Variants in ASIC2 observed in about 807,000 individuals in gnomAD.
ASIC2 encodes acid sensing ion channel subunit 2.
Under a neutral mutation model 57.3 loss-of-function variants are expected in ASIC2, and 25 were observed. That is an observed-to-expected ratio of 0.44 (90% CI 0.32 to 0.61). The LOEUF (loss-of-function observed/expected upper bound fraction) is 0.61. ASIC2 is among the 20% of genes least tolerant of loss of function. The pLI is 0.06. For synonymous variants in ASIC2, 319 were observed against 307.5 expected (o/e 1.04, Z -0.39); for missense variants, 641 against 738.1 (o/e 0.87, Z 1.52).
At chr17:33,029,806 C>A (rs1390504317) in intron 3 of ASIC2, among the ~76,000 whole-genome samples, 2 of 152,204 alleles carry the variant, frequency 1.3e-5, no homozygotes, top group Admixed American at 6.5e-5. Flanking sequence ...ACTTCGTCCA[C>A]CTTTTTGATT....
At chr17:33,281,189 A>G (rs114937802) in intron 1 of ASIC2, among the ~76,000 whole-genome samples, 3,003 of 152,300 alleles carry the variant, frequency 0.02, 77 homozygotes, top group African/African-American at 0.063. Flanking sequence ...TGATCAGAGT[A>G]CTGAATGGGG....
chr17:33,753,221 T>C (rs942150944), intron 1 of ASIC2, among the ~76,000 whole-genome samples: 4 of 152,110 alleles, frequency 2.6e-5, no homozygotes, highest in African/African-American at 9.7e-5. Flanking sequence ...CTACATACCG[T>C]ATGATTCCAG....
chr17:33,124,910 T>C (rs920592343), intron 1 of ASIC2, among the ~76,000 whole-genome samples: 2 of 152,186 alleles, frequency 1.3e-5, no homozygotes, highest in Non-Finnish European at 2.9e-5. Flanking sequence ...AGGTATTAGA[T>C]TCTCTTAAGG....
At chr17:34,053,654 T>C (rs955193149) in intron 1 of ASIC2, among the ~76,000 whole-genome samples, 1 of 152,276 alleles carries the variant, frequency 6.6e-6, no homozygotes, top group African/African-American at 2.4e-5. Flanking sequence ...AAACATTTGG[T>C]AATAAAAGGA....
rs781384406 is a variant in ASIC2, at chr17:33,015,923, T to C, written c.1590+48A>G. On this transcript the variant is annotated intron_variant, in intron 9 of 9. Coordinates refer to ENST00000225823, the MANE Select transcript of ASIC2 (RefSeq NM_183377.2). ...CCAGCATCTGGTTTTGTACTGCCGG[T>C]ACAAGCCAGAGCAGCAGAACAACTT... The C allele has an allele frequency of 2.5e-5, 40 of 1,603,394 alleles. No individual in the cohort carries two copies. In the Admixed American group the frequency reaches 6.7e-4, roughly 27 times the overall value.
intron 1 of ASIC2, among the ~76,000 whole-genome samples, chr17:34,035,169 T>C (rs1461233924): frequency 6.8e-6 from 1 of 148,020 alleles, no homozygotes; most frequent in Non-Finnish European, 1.5e-5. Context: ...GAGATATAGA[T>C]CAATGGAACA....
chr17:33,585,151 T>A (rs1319801694), intron 1 of ASIC2, among the ~76,000 whole-genome samples: 2 of 152,122 alleles, frequency 1.3e-5, no homozygotes, highest in Non-Finnish European at 2.9e-5. Context: ...AAATGATTTG[T>A]TCAAAGTGGC....
At position 34,156,212 on chromosome 17, in the gene ASIC2, CAGGTCATTGGTGGTGAGCCTGG is replaced by C; in HGVS notation, c.299_320del (p.Ser100CysfsTer58). The C allele has an allele frequency of 6.2e-7, 1 of 1,614,094 alleles. No homozygotes were observed. ...GGGCCAGCAGCTCCCCAGCATGGTA[CAGGTCATTGGTGGTGAGCCTGG>C]AGAACCGGAAGCCATTCAGGTTACA... On this transcript the variant is annotated frameshift_variant, in exon 1 of 10. Transcript: ENST00000359872. LOFTEE classifies it high-confidence loss of function. This position sits in a 1 kb window ranked among gnomAD's most constrained non-coding sequence, Gnocchi z 4.4.
intron 1 of ASIC2, among the ~76,000 whole-genome samples, chr17:33,885,483 CA>C (rs1233036966): frequency 6.6e-6 from 1 of 152,134 alleles, no homozygotes; most frequent in East Asian, 1.9e-4. Context: ...TTGTTTTTAG[CA>C]GTACTTATAC....
chr17:33,288,582 G>A (rs1435740242), intron 1 of ASIC2, among the ~76,000 whole-genome samples: 1 of 152,144 alleles, frequency 6.6e-6, no homozygotes, highest in Non-Finnish European at 1.5e-5. Flanking sequence ...GACTACTCTG[G>A]CTGTAAAGCA....
chr17:33,028,240 AC>A lies in ASIC2; in HGVS notation c.1138+1del. Reference sequence around the variant, plus strand: ...CTGTGGCCACCCTGCCCTGGCACTGACCTGGCATGTGAACCATGCGGCAGTT... The same window carrying A: ...CTGTGGCCACCCTGCCCTGGCACTGACTGGCATGTGAACCATGCGGCAGTT... On this transcript the variant is annotated splice_donor_variant, in intron 4 of 9. Coordinates refer to ENST00000225823, the MANE Select transcript of ASIC2 (RefSeq NM_183377.2). LOFTEE classifies it high-confidence loss of function. 6.2e-7 allele frequency: 1 copy of A among 1,613,812 alleles called. No homozygotes were observed. Among genetic ancestry groups the A allele is most frequent in the Non-Finnish European group, 8.5e-7 (1 of 1,179,968 alleles).
intron 1 of ASIC2, among the ~76,000 whole-genome samples, chr17:33,700,812 G>T (rs940199921): frequency 7.2e-5 from 11 of 152,090 alleles, no homozygotes; most frequent in Admixed American, 3.9e-4. Context: ...CCGGAGAGAT[G>T]GGAGGGTCCA....
chr17:33,935,752 C>T (rs1916044043), intron 1 of ASIC2: 1 of 152,222 alleles, frequency 6.6e-6, no homozygotes, highest in Admixed American at 6.5e-5. Context: ...TCCATCTGAT[C>T]TCCAAGCTTG....
At chr17:33,745,487 T>C (rs1040079360) in intron 1 of ASIC2, among the ~76,000 whole-genome samples, 1 of 140,386 alleles carries the variant, frequency 7.1e-6, no homozygotes, top group Non-Finnish European at 1.6e-5. Context: ...CACACCCAGA[T>C]ACAGTAAAAA....
At chr17:33,348,963 A>G (rs1405693857) in intron 1 of ASIC2, among the ~76,000 whole-genome samples, 1 of 152,136 alleles carries the variant, frequency 6.6e-6, no homozygotes, top group Non-Finnish European at 1.5e-5. Flanking sequence ...AGGCAAACAA[A>G]TCCACTAGGG....
chr17:33,293,031 C>T lies in ASIC2; in HGVS notation c.-916G>A, dbSNP rs1042397825. 2.9e-5 allele frequency: 29 copies of T among 985,500 alleles called. No individual in the cohort carries two copies. Among genetic ancestry groups the T allele is most frequent in the Non-Finnish European group, 3.5e-5 (29 of 830,064 alleles). 61.0% of individuals were successfully genotyped at this position (985,500 alleles called of 1,614,324 possible). On this transcript the variant is annotated 5_prime_UTR_variant, in exon 1 of 10. Coordinates refer to ENST00000225823, the MANE Select transcript of ASIC2 (RefSeq NM_183377.2). ...AGCCCAGCCTTGCTGTCTCTCGCGT[C>T]TTCTCTCTGCCCCCGCGGCGACAAG... is the stretch of plus-strand genomic sequence containing the variant.
At chr17:33,763,526 G>T (rs1349337427) in intron 1 of ASIC2, among the ~76,000 whole-genome samples, 1 of 152,136 alleles carries the variant, frequency 6.6e-6, no homozygotes, top group Non-Finnish European at 1.5e-5. Context: ...CTAGTTTCCA[G>T]TTCCATTGCC....
chr17:33,983,709 CT>C (rs1905708072), intron 1 of ASIC2, among the ~76,000 whole-genome samples: 2 of 152,226 alleles, frequency 1.3e-5, no homozygotes, highest in African/African-American at 4.8e-5. Flanking sequence ...GGCCCATTTA[CT>C]CAGCCCTCTG....
At chr17:34,085,311 T>C (rs1910067756) in intron 1 of ASIC2, among the ~76,000 whole-genome samples, 1 of 152,212 alleles carries the variant, frequency 6.6e-6, no homozygotes, top group African/African-American at 2.4e-5. Flanking sequence ...GGTTTTTGTC[T>C]TTGGTTCTGT....
Sources: allele counts gnomAD v4.1 joint callset (sites outside exome capture counted in the v4.1 genomes callset), GRCh38; gene constraint gnomAD v4.1.1; non-coding constraint Gnocchi (gnomAD v3.1); transcripts MANE v1.5; gene names NCBI Gene and HGNC (gene_info 2026-07-23, HGNC 2026-07-21).